PAM: variants seen among roughly 807,000 people sequenced by gnomAD.
PAM encodes peptidylglycine alpha-amidating monooxygenase.
In PAM, 72 loss-of-function variants were observed where a neutral mutation model predicts 122.1. The observed-to-expected ratio is 0.59, with a 90% CI of 0.49 to 0.72. PAM has a LOEUF of 0.72. Among genes scored for constraint, PAM ranks in the 30% least tolerant of loss-of-function variants. The pLI is 0.00. For missense variants in PAM, 1,106 were observed against 1,183.7 expected (o/e 0.93, Z 0.96); for synonymous variants, 389 against 404.4 (o/e 0.96, Z 0.46).
intron 3 of PAM, among the ~76,000 whole-genome samples, chr5:102,881,118 AT>A (rs1042414148): frequency 2.5e-5 from 3 of 119,864 alleles, no homozygotes; most frequent in African/African-American, 9.6e-5. Context: ...TTAAAAAATA[AT>A]TTTTATACAT....
chr5:102,927,448 T>C (rs1337861759), intron 7 of PAM, among the ~76,000 whole-genome samples: 18 of 152,206 alleles, frequency 1.2e-4, no homozygotes, highest in African/African-American at 4.1e-4. Context: ...TGCTGACTTA[T>C]ATATATTCTC....
intron 3 of PAM, among the ~76,000 whole-genome samples, chr5:102,883,607 T>C (rs928083076): frequency 6.6e-6 from 1 of 151,970 alleles, no homozygotes; most frequent in African/African-American, 2.4e-5. Flanking sequence ...TCTAGGAACT[T>C]TTTGGATGAA....
intron 1 of PAM, among the ~76,000 whole-genome samples, chr5:102,860,115 C>G (rs138929287): frequency 6.6e-6 from 1 of 152,074 alleles, no homozygotes; most frequent in Non-Finnish European, 1.5e-5. Flanking sequence ...TCTTCCTGAC[C>G]GGTTCAGTCC....
At chr5:102,795,315 T>C (rs980735146) in intron 1 of PAM, among the ~76,000 whole-genome samples, 56 of 151,486 alleles carry the variant, frequency 3.7e-4, no homozygotes, top group African/African-American at 1.4e-3. Context: ...TCTCTGCACA[T>C]CCTTAGGTAA....
chr5:102,946,971 G>A, intron 8 of PAM, 86 bp downstream of exon 8: 1 of 860,696 alleles, frequency 1.2e-6, no homozygotes. Context: ...TTAATTATCT[G>A]TGGGTAAAAA....
chr5:102,933,486 TC>T (rs1174491829), intron 7 of PAM, among the ~76,000 whole-genome samples: 1 of 152,246 alleles, frequency 6.6e-6, no homozygotes, highest in Non-Finnish European at 1.5e-5. Flanking sequence ...GGGTGTGGTT[TC>T]TGCAAAGCTT....
intron 15 of PAM, among the ~76,000 whole-genome samples, chr5:102,976,620 A>T (rs995204556): frequency 1.3e-5 from 2 of 152,190 alleles, no homozygotes; most frequent in African/African-American, 4.8e-5. Context: ...CTAATTTACT[A>T]TAAGGAATTG....
At chr5:102,836,359 T>C (rs1777029841) in intron 1 of PAM, among the ~76,000 whole-genome samples, 1 of 152,294 alleles carries the variant, frequency 6.6e-6, no homozygotes, top group East Asian at 1.9e-4. Flanking sequence ...ATGTAGAATA[T>C]GTGGTAGGCA....
chr5:102,774,152 T>G (rs757324683), intron 1 of PAM, among the ~76,000 whole-genome samples: 4 of 152,150 alleles, frequency 2.6e-5, no homozygotes, highest in African/African-American at 2.4e-5. Context: ...TTTGCTATTG[T>G]GAATAGCGCT....
chr5:103,007,539 T>A lies in PAM; in HGVS notation c.2097T>A (p.Cys699Ter). 6.2e-7 allele frequency: 1 copy of A among 1,614,074 alleles called. No individual in the cohort carries two copies. Among genetic ancestry groups the A allele is most frequent in the Non-Finnish European group, 8.5e-7 (1 of 1,179,948 alleles). Residue 699 changes from cysteine (C) to a stop codon, truncating the protein, a stop_gained, in exon 20 of 26, where the codon TGT becomes TGA. Transcript: ENST00000438793. LOFTEE classifies it high-confidence loss of function. ...TTGTGCCTCTTTTGGGCCAATTATGTGTGGCAGACCGGGAAAATGGTCGGA... is the reference window on the plus strand; with the variant it reads ...TTGTGCCTCTTTTGGGCCAATTATGAGTGGCAGACCGGGAAAATGGTCGGA... ...LALVPLLGQL[C>*]VADRENGRIQ...
chr5:102,934,642 A>T (rs1752677146), intron 7 of PAM, among the ~76,000 whole-genome samples: 1 of 152,260 alleles, frequency 6.6e-6, no homozygotes, highest in East Asian at 1.9e-4. Flanking sequence ...TTGGGGGCAG[A>T]TGTGGTCTGG....
At chr5:102,760,388 C>T (rs1580736183) in intron 1 of PAM, among the ~76,000 whole-genome samples, 1 of 152,098 alleles carries the variant, frequency 6.6e-6, no homozygotes, top group East Asian at 1.9e-4. Context: ...TTCCAGCATC[C>T]CCATGAAACT....
intron 1 of PAM, among the ~76,000 whole-genome samples, chr5:102,812,765 A>T (rs1031138738): frequency 4.5e-4 from 68 of 152,176 alleles, no homozygotes; most frequent in African/African-American, 1.6e-3. Context: ...TTAACAATGA[A>T]GTTAAACATG....
chr5:102,939,876 A>T (rs1318768625), intron 7 of PAM, among the ~76,000 whole-genome samples: 1 of 152,062 alleles, frequency 6.6e-6, no homozygotes, highest in African/African-American at 2.4e-5. Flanking sequence ...GAAAATGTAG[A>T]TACTGATTTT....
At chr5:102,774,282 T>G (rs981628192) in intron 1 of PAM, among the ~76,000 whole-genome samples, 1 of 152,078 alleles carries the variant, frequency 6.6e-6, no homozygotes, top group Non-Finnish European at 1.5e-5. Flanking sequence ...CATTGAGGAA[T>G]TGCCATACTG....
chr5:102,966,915 C>T (rs10515339), intron 14 of PAM, among the ~76,000 whole-genome samples: 43,564 of 151,844 alleles, frequency 0.29, 6,522 homozygotes, highest in East Asian at 0.43. Context: ...CTGGAAAGTT[C>T]TGAGAGGTAT....
intron 24 of PAM, among the ~76,000 whole-genome samples, chr5:103,026,309 AC>A (rs902640383): frequency 2.0e-5 from 3 of 152,176 alleles, no homozygotes; most frequent in Non-Finnish European, 2.9e-5. Flanking sequence ...TGATCAAGAA[AC>A]AGCATCTGAT....
chr5:103,028,497 AT>A (rs912619498), intron 25 of PAM, among the ~76,000 whole-genome samples: 1 of 152,042 alleles, frequency 6.6e-6, no homozygotes, highest in Non-Finnish European at 1.5e-5. Context: ...ACCTGGCTTC[AT>A]TTGTCTTCAG....
At chr5:102,811,407 C>A (rs1767864538) in intron 1 of PAM, among the ~76,000 whole-genome samples, 2 of 152,202 alleles carry the variant, frequency 1.3e-5, no homozygotes, top group Non-Finnish European at 2.9e-5. Flanking sequence ...TTACAGCTTG[C>A]AAGTACAGAC....
Sources: gnomAD v4.1 joint callset for allele counts (sites outside exome capture counted in the v4.1 genomes callset) on GRCh38, gnomAD v4.1.1 for gene constraint, MANE v1.5 for transcripts, NCBI Gene and HGNC (gene_info 2026-07-23, HGNC 2026-07-21) for gene names.